The following RPIA variants were observed in gnomAD, a reference collection of about 807,000 sequenced individuals.
RPIA encodes ribose 5-phosphate isomerase A.
RPIA carries 29 observed loss-of-function variants against 37.8 expected under a neutral mutation model. That is an observed-to-expected ratio of 0.77 (90% CI 0.57 to 1.05). The LOEUF is 1.05. RPIA is among the 50% of genes least tolerant of loss of function. RPIA has a pLI of 0.00. For missense variants in RPIA, 385 were observed against 413.6 expected, an observed-to-expected ratio of 0.93 and a Z score of 0.60; for synonymous variants, 167 against 157.0, an observed-to-expected ratio of 1.06 and a Z score of -0.48.
chr2:88,749,482 A>G (rs903565360), intron 8 of RPIA, among the ~76,000 whole-genome samples: 4 of 152,162 alleles, frequency 2.6e-5, no homozygotes, highest in African/African-American at 9.7e-5. Context: ...TAAATTGTTT[A>G]TATTTTTGAT....
At chr2:88,717,140 G>A (rs1673046579) in intron 3 of RPIA, among the ~76,000 whole-genome samples, 1 of 152,176 alleles carries the variant, frequency 6.6e-6, no homozygotes, top group Admixed American at 6.5e-5. Context: ...AAATAGGCGA[G>A]ATAATTTCTT....
intron 2 of RPIA, among the ~76,000 whole-genome samples, 157 bp from the exon 3 acceptor site, chr2:88,699,852 C>T (rs1355250903): frequency 1.3e-5 from 2 of 152,222 alleles, no homozygotes; most frequent in African/African-American, 4.8e-5. Context: ...GAGGTACAGT[C>T]ACCAACTTTC....
At chr2:88,709,227 A>G (rs1672933901) in intron 3 of RPIA, among the ~76,000 whole-genome samples, 1 of 152,234 alleles carries the variant, frequency 6.6e-6, no homozygotes. Flanking sequence ...GAGTTCCCCA[A>G]GAGGGAATTA....
intron 8 of RPIA, among the ~76,000 whole-genome samples, chr2:88,743,255 T>A (rs979220458): frequency 6.6e-6 from 1 of 152,238 alleles, no homozygotes; most frequent in Non-Finnish European, 1.5e-5. Context: ...AAAGCAATGC[T>A]GGATTTTGAT....
intron 5 of RPIA, 51 bp downstream of exon 5, chr2:88,734,667 T>C: frequency 5.1e-6 from 8 of 1,575,802 alleles, no homozygotes; most frequent in Non-Finnish European, 7.0e-6. Flanking sequence ...AGTTAATCCT[T>C]AGCAAAGCAA....
chr2:88,723,531 C>G (rs1039397923), intron 3 of RPIA, among the ~76,000 whole-genome samples: 1 of 152,126 alleles, frequency 6.6e-6, no homozygotes, highest in African/African-American at 2.4e-5. Context: ...CAGGGATTCT[C>G]TGGAGGGTGT....
At chr2:88,702,747 C>T (rs923378633) in intron 3 of RPIA, among the ~76,000 whole-genome samples, 5 of 152,218 alleles carry the variant, frequency 3.3e-5, no homozygotes, top group African/African-American at 4.8e-5. Flanking sequence ...CATGTCCTTG[C>T]ATTTCAAAAC....
chr2:88,750,250 A>C lies in RPIA; in HGVS notation c.*172A>C. 1 of 531,962 alleles carries C rather than the reference A, an allele frequency of 1.9e-6. No individual in the cohort carries two copies. The highest frequency in any genetic ancestry group is 3.4e-6 in the Non-Finnish European group (1 of 295,832). The allele number at this position is 531,962 out of a possible 1,614,324, so 33.0% of individuals were successfully genotyped here. A position where few individuals can be genotyped will look rare whatever the true frequency, so the allele number is the denominator to read the frequency against. On this transcript the variant is annotated 3_prime_UTR_variant, in exon 9 of 9. Coordinates refer to ENST00000283646, the MANE Select transcript of RPIA (RefSeq NM_144563.3). ...TCCAGTCTTATGAAGTATTGTTATT[A>C]AATGTCTTTTTAAAAAGAGAAATAT... is the stretch of plus-strand genomic sequence containing the variant.
chr2:88,706,337 A>G (rs146182891), intron 3 of RPIA, among the ~76,000 whole-genome samples: 3 of 152,306 alleles, frequency 2.0e-5, no homozygotes, highest in Non-Finnish European at 4.4e-5. Flanking sequence ...GATGAAGAAA[A>G]TATGGTACAT....
chr2:88,734,706 T>A (rs1413101646), intron 5 of RPIA, 90 bp downstream of exon 5: 79 of 1,319,246 alleles, frequency 6.0e-5, no homozygotes, highest in Non-Finnish European at 8.7e-6. Flanking sequence ...AAATTGCCAC[T>A]GTGACATATG....
At chr2:88,749,879 A>G in intron 8 of RPIA, 102 bp from the exon 9 acceptor site, 1 of 758,448 alleles carries the variant, frequency 1.3e-6, no homozygotes. Flanking sequence ...TCATTCGTCC[A>G]ATGCTGTGTA....
In RPIA at chr2:88,729,787, C is replaced by T. The variant is rs1383157545; in HGVS notation, c.462+450C>T. On this transcript the variant is annotated intron_variant, in intron 4 of 8. Coordinates refer to ENST00000283646, the MANE Select transcript of RPIA (RefSeq NM_144563.3). ...TTCAAAAAATCAATGAATCCAGGAG[C>T]TGGTTTTTTGAAAGGATCAACAAAA... Among the ~76,000 whole-genome samples, 2 of 13,360 alleles carry T rather than the reference C, an allele frequency of 1.5e-4. 1 individual carries two copies. Among genetic ancestry groups the T allele is most frequent in the African/African-American group, 1.6e-3 (2 of 1,214 alleles). 8.8% of individuals were successfully genotyped at this position (13,360 alleles called of 152,430 possible).
chr2:88,741,947 A>AT (rs1197177083), intron 8 of RPIA, among the ~76,000 whole-genome samples: 1 of 151,844 alleles, frequency 6.6e-6, no homozygotes, highest in Non-Finnish European at 1.5e-5. Context: ...TATATTCTAG[A>AT]TATTAGTCCT....
intron 3 of RPIA, among the ~76,000 whole-genome samples, chr2:88,721,967 T>G (rs1043764139): frequency 2.0e-5 from 3 of 149,742 alleles, no homozygotes; most frequent in Non-Finnish European, 4.4e-5. Flanking sequence ...GACAGCTTGA[T>G]CTATAAAAGT....
At chr2:88,722,810 G>A (rs917947914) in intron 3 of RPIA, among the ~76,000 whole-genome samples, 1 of 152,126 alleles carries the variant, frequency 6.6e-6, no homozygotes, top group Non-Finnish European at 1.5e-5. Flanking sequence ...CCCCAACTGC[G>A]GTGAGTGGCA....
chr2:88,744,057 G>A (rs1673413099), intron 8 of RPIA, among the ~76,000 whole-genome samples: 4 of 151,998 alleles, frequency 2.6e-5, no homozygotes, highest in Admixed American at 2.6e-4. Context: ...GGGTTTGAGT[G>A]TGGTTTGTTC....
chr2:88,736,696 C>T lies in RPIA; in HGVS notation c.738+20C>T, dbSNP rs749824058. 11 of 1,603,994 alleles carry T rather than the reference C, an allele frequency of 6.9e-6. No individual in the cohort carries two copies. Among genetic ancestry groups the T allele is most frequent in the Admixed American group, 3.3e-5 (2 of 59,838 alleles). On this transcript the variant is annotated intron_variant, in intron 7 of 8. Coordinates refer to ENST00000283646, the MANE Select transcript of RPIA (RefSeq NM_144563.3). ...AAGGCTGTGAGTGGCCTGGTTGGGC[C>T]GGGGGTGTGCTGGGTGCACTCAGGT...
At chr2:88,716,248 C>T (rs1673035188) in intron 3 of RPIA, among the ~76,000 whole-genome samples, 1 of 152,074 alleles carries the variant, frequency 6.6e-6, no homozygotes, top group African/African-American at 2.4e-5. Context: ...GACCCCTTCC[C>T]CGCCTCAAGT....
At chr2:88,710,257 G>T (rs1324682925) in intron 3 of RPIA, among the ~76,000 whole-genome samples, 1 of 152,122 alleles carries the variant, frequency 6.6e-6, no homozygotes, top group African/African-American at 2.4e-5. Flanking sequence ...TGTTGTGCAG[G>T]CTGTTCTCGA....
Sources: gnomAD v4.1 joint callset for allele counts (sites outside exome capture counted in the v4.1 genomes callset) on GRCh38, gnomAD v4.1.1 for gene constraint, MANE v1.5 for transcripts, NCBI Gene and HGNC (gene_info 2026-07-23, HGNC 2026-07-21) for gene names.